Variants in PPP1R12B observed in about 807,000 individuals in gnomAD.
PPP1R12B encodes the protein protein phosphatase 1 regulatory subunit 12B.
PPP1R12B carries 76 observed loss-of-function variants against 126.1 expected under a neutral mutation model. The ratio of observed to expected loss-of-function variants is 0.60; its 90% confidence interval spans 0.50 to 0.73. The LOEUF is 0.73. Among genes scored for constraint, PPP1R12B ranks in the 30% least tolerant of loss-of-function variants. The probability of loss-of-function intolerance (pLI) is 0.00; values close to 1 mark genes in which losing one functional copy is unlikely to be tolerated. For synonymous variants in PPP1R12B, 356 were observed against 434.7 expected (o/e 0.82, Z 2.25); for missense variants, 1,052 against 1,205.1 (o/e 0.87, Z 1.88).
At chr1:202,539,304 T>C (rs561176810) in intron 18 of PPP1R12B, among the ~76,000 whole-genome samples, 1 of 152,322 alleles carries the variant, frequency 6.6e-6, no homozygotes, top group Admixed American at 6.5e-5. Flanking sequence ...TGGCAGGCTT[T>C]CTTTTCCTCC....
intron 19 of PPP1R12B, 39 bp from the exon 20 acceptor site, chr1:202,562,739 C>A: frequency 6.3e-7 from 1 of 1,598,042 alleles, no homozygotes; most frequent in African/African-American, 1.3e-5. Flanking sequence ...CTACTTTGTT[C>A]TCAAAACCAA....
rs967418124 is a variant in PPP1R12B at position 202,589,345 on chromosome 1, G to C, written c.*8785G>C. The C allele has an allele frequency of 1.6e-4, 25 of 152,118 alleles. No homozygotes were observed. Among genetic ancestry groups the C allele is most frequent in the African/African-American group, 6.0e-4 (25 of 41,416 alleles). The allele number at this position is 152,118 out of a possible 1,614,324, so 9.4% of individuals were successfully genotyped here. On this transcript the variant is annotated 3_prime_UTR_variant, in exon 24 of 24. Coordinates refer to ENST00000608999, the MANE Select transcript of PPP1R12B (RefSeq NM_002481.4). Reference sequence around the variant, plus strand: ...TGCTCAGCCCTGTGTTTCCTGCCAAGCGGAAATCCCTGGTCACTGACTTGG... The same window carrying C: ...TGCTCAGCCCTGTGTTTCCTGCCAACCGGAAATCCCTGGTCACTGACTTGG...
intron 18 of PPP1R12B, among the ~76,000 whole-genome samples, chr1:202,546,756 C>T (rs751685451): frequency 3.3e-5 from 5 of 152,018 alleles, no homozygotes; most frequent in African/African-American, 9.7e-5. Flanking sequence ...GTTGGTCTGA[C>T]GCTTGGGAGA....
At chr1:202,393,395 T>G (rs955004551) in intron 1 of PPP1R12B, among the ~76,000 whole-genome samples, 1 of 152,194 alleles carries the variant, frequency 6.6e-6, no homozygotes, top group African/African-American at 2.4e-5. Context: ...AAACAGTGTT[T>G]TTTTTTTTCA....
At chr1:202,357,329 A>G (rs951837450) in intron 1 of PPP1R12B, among the ~76,000 whole-genome samples, 2 of 152,218 alleles carry the variant, frequency 1.3e-5, no homozygotes, top group African/African-American at 2.4e-5. Flanking sequence ...GAAGGCCTGT[A>G]AAAAGACTGT....
intron 2 of PPP1R12B, chr1:202,417,467 C>T: frequency 1.0e-6 from 1 of 954,376 alleles, no homozygotes; most frequent in South Asian, 4.8e-5. Context: ...ACATTAGGAG[C>T]TACTAATCTC....
chr1:202,418,467 A>G (rs1270550308), intron 2 of PPP1R12B, among the ~76,000 whole-genome samples: 4 of 122,740 alleles, frequency 3.3e-5, no homozygotes, highest in East Asian at 6.9e-4. Context: ...GAATGATTAT[A>G]ATTGCTTTTT....
chr1:202,365,989 C>G (rs1558135259), intron 1 of PPP1R12B, among the ~76,000 whole-genome samples: 1 of 151,928 alleles, frequency 6.6e-6, no homozygotes, highest in Non-Finnish European at 1.5e-5. Flanking sequence ...GACCCTGTCC[C>G]TCCACTCCCG....
intron 18 of PPP1R12B, among the ~76,000 whole-genome samples, chr1:202,503,409 A>C (rs1680438349): frequency 6.6e-6 from 1 of 152,208 alleles, no homozygotes; most frequent in Non-Finnish European, 1.5e-5. Context: ...AGAATTGTTA[A>C]ATCTAATAGG....
chr1:202,399,745 C>T (rs991101080), intron 1 of PPP1R12B, among the ~76,000 whole-genome samples: 1 of 152,178 alleles, frequency 6.6e-6, no homozygotes, highest in African/African-American at 2.4e-5. Context: ...ATTTGCTTGC[C>T]TCAGCCTCCC....
intron 21 of PPP1R12B, among the ~76,000 whole-genome samples, chr1:202,566,970 A>G (rs1688107285): frequency 6.6e-6 from 1 of 152,262 alleles, no homozygotes. Context: ...CCCTAAGGCC[A>G]AAAGGGACTT....
At chr1:202,551,104 T>C (rs1686269973) in intron 18 of PPP1R12B, among the ~76,000 whole-genome samples, 1 of 152,268 alleles carries the variant, frequency 6.6e-6, no homozygotes, top group Non-Finnish European at 1.5e-5. Flanking sequence ...TGATATGTGC[T>C]GCAATATGTG....
At chr1:202,380,275 C>T (rs1411522839) in intron 1 of PPP1R12B, among the ~76,000 whole-genome samples, 1 of 152,068 alleles carries the variant, frequency 6.6e-6, no homozygotes, top group East Asian at 1.9e-4. Flanking sequence ...TACGTTGTTG[C>T]TGGTTTAGCA....
intron 1 of PPP1R12B, among the ~76,000 whole-genome samples, chr1:202,408,987 G>A (rs560724159): frequency 5.8e-4 from 88 of 151,440 alleles, no homozygotes; most frequent in African/African-American, 2.0e-3. Flanking sequence ...ACAGGCGCAT[G>A]CCACCACACC....
intron 1 of PPP1R12B, among the ~76,000 whole-genome samples, chr1:202,362,664 T>TC (rs1180568579): frequency 3.3e-5 from 5 of 151,776 alleles, no homozygotes; most frequent in Admixed American, 6.6e-5. Context: ...TTTTTGTTTT[T>TC]TTTTTTTGTA....
rs566434482 is a variant in PPP1R12B at position 202,551,406 on chromosome 1, T to C, written c.2491-7471T>C. Reference sequence around the variant, plus strand: ...CAGGTCACATGGACGCCTGTTTTTTTCCCTGCATAAGACAGCACTTTTGGT... The same window carrying C: ...CAGGTCACATGGACGCCTGTTTTTTCCCCTGCATAAGACAGCACTTTTGGT... On this transcript the variant is annotated intron_variant, in intron 18 of 23. Coordinates refer to ENST00000608999, the MANE Select transcript of PPP1R12B (RefSeq NM_002481.4). Among the ~76,000 whole-genome samples, 198 of 152,298 alleles carry C rather than the reference T, an allele frequency of 1.3e-3. 1 individual carries two copies. Among genetic ancestry groups the C allele is most frequent in the Non-Finnish European group, 1.4e-3 (93 of 68,020 alleles).
At chr1:202,444,083 G>A (rs573947314) in intron 12 of PPP1R12B, among the ~76,000 whole-genome samples, 95 of 152,266 alleles carry the variant, frequency 6.2e-4, no homozygotes, top group African/African-American at 2.1e-3. Context: ...TAAAAGGAAA[G>A]AATCATATGC....
rs1437975218 is a variant in PPP1R12B, at chr1:202,419,306, A to G, written c.422+2389A>G. Among the ~76,000 whole-genome samples the G allele has an allele frequency of 3.3e-5, 5 of 152,102 alleles. No individual in the cohort carries two copies. The highest frequency in any genetic ancestry group is 9.7e-5 in the African/African-American group (4 of 41,404). On this transcript the variant is annotated intron_variant, in intron 2 of 23. Transcript: ENST00000608999. The surrounding 1 kb of genome is among the most constrained non-coding windows in gnomAD (Gnocchi z 4.6). ...TCATTTTCTTTCTTCCTCCCTTAGG[A>G]TAGTAGCATAAAGACCTTGTATTGG...
chr1:202,515,178 A>C (rs1417176163), intron 18 of PPP1R12B, among the ~76,000 whole-genome samples: 1 of 152,204 alleles, frequency 6.6e-6, no homozygotes, highest in Non-Finnish European at 1.5e-5. Context: ...GGAGCAGAAA[A>C]GATAACTATT....
Sources: allele counts gnomAD v4.1 joint callset (sites outside exome capture counted in the v4.1 genomes callset), GRCh38; gene constraint gnomAD v4.1.1; non-coding constraint Gnocchi (gnomAD v3.1); transcripts MANE v1.5; gene names NCBI Gene and HGNC (gene_info 2026-07-23, HGNC 2026-07-21).